Variants in BANK1 observed in about 807,000 individuals in gnomAD.
BANK1 encodes the protein B-cell scaffold protein with ankyrin repeats.
Under a neutral mutation model 94.5 loss-of-function variants are expected in BANK1, and 95 were observed. The observed-to-expected ratio is 1.00, with a 90% confidence interval of 0.85 to 1.19. The LOEUF (loss-of-function observed/expected upper bound fraction) is 1.19, where lower values mean the gene tolerates loss of function less well. Among genes scored for constraint, BANK1 ranks in the 50% most tolerant of loss-of-function variants. BANK1 has a pLI of 0.00. For missense variants in BANK1, 987 were observed against 932.2 expected, an observed-to-expected ratio of 1.06 and a Z score of -0.77; for synonymous variants, 334 against 308.4, an observed-to-expected ratio of 1.08 and a Z score of -0.87.
chr4:101,851,109 G>T (rs1477817518), intron 2 of BANK1, among the ~76,000 whole-genome samples: 3 of 152,164 alleles, frequency 2.0e-5, no homozygotes, highest in Non-Finnish European at 2.9e-5. Flanking sequence ...AGAAAGCTAG[G>T]ATTCTTTCTT....
At chr4:102,012,540 T>C (rs922490476) in intron 7 of BANK1, among the ~76,000 whole-genome samples, 4 of 152,174 alleles carry the variant, frequency 2.6e-5, no homozygotes, top group African/African-American at 9.6e-5. Context: ...ATAGTAATAA[T>C]AGAAACTTAA....
chr4:101,870,724 T>G, intron 5 of BANK1, 80 bp downstream of exon 5: 1 of 1,462,740 alleles, frequency 6.8e-7, no homozygotes, highest in Non-Finnish European at 9.2e-7. Context: ...TGCTTTGGTA[T>G]AAGTTTGAAT....
chr4:101,947,680 G>T lies in BANK1; in HGVS notation c.1206+29491G>T, dbSNP rs376448719. 1.5e-4 allele frequency among the ~76,000 whole-genome samples: 23 copies of T among 151,840 alleles called. No individual in the cohort carries two copies. The East Asian group carries it at 4.1e-3, about 27-fold the overall frequency. On this transcript the variant is annotated intron_variant, in intron 7 of 16. Coordinates refer to ENST00000322953, the MANE Select transcript of BANK1 (RefSeq NM_017935.5). ...TAAGATTAAATTATGAATATCCAAA[G>T]AAATATATATAATTATGTTAATATC...
intron 7 of BANK1, among the ~76,000 whole-genome samples, chr4:101,925,940 C>G (rs568671665): frequency 1.9e-4 from 29 of 151,788 alleles, no homozygotes; most frequent in African/African-American, 5.8e-4. Context: ...CCATATCTGT[C>G]GAGCGTGGCC....
At chr4:101,997,401 T>C (rs1725914956) in intron 7 of BANK1, among the ~76,000 whole-genome samples, 1 of 152,176 alleles carries the variant, frequency 6.6e-6, no homozygotes, top group Admixed American at 6.5e-5. Flanking sequence ...CTTTTTTTGT[T>C]GTGTCTCTGC....
intron 5 of BANK1, among the ~76,000 whole-genome samples, chr4:101,885,079 G>T (rs1323195347): frequency 6.6e-6 from 1 of 152,076 alleles, no homozygotes; most frequent in African/African-American, 2.4e-5. Flanking sequence ...CTCCACGCCC[G>T]ACTAATTTTT....
intron 7 of BANK1, among the ~76,000 whole-genome samples, chr4:101,946,380 A>G (rs1432194219): frequency 6.6e-6 from 1 of 151,942 alleles, no homozygotes; most frequent in Non-Finnish European, 1.5e-5. Context: ...CTGTTGTTAT[A>G]TTACTTAATC....
At chr4:102,042,539 G>T (rs543772103) in intron 10 of BANK1, among the ~76,000 whole-genome samples, 1 of 152,064 alleles carries the variant, frequency 6.6e-6, no homozygotes, top group East Asian at 1.9e-4. Flanking sequence ...ACTAATTTTT[G>T]ATCAGATGGG....
At chr4:101,933,178 G>A (rs1273683907) in intron 7 of BANK1, among the ~76,000 whole-genome samples, 1 of 151,452 alleles carries the variant, frequency 6.6e-6, no homozygotes, top group East Asian at 2.0e-4. Flanking sequence ...AAAAACAATG[G>A]CCCATGGTAG....
At chr4:102,012,968 C>G (rs758205593) in intron 7 of BANK1, among the ~76,000 whole-genome samples, 3 of 151,976 alleles carry the variant, frequency 2.0e-5, no homozygotes, top group Non-Finnish European at 4.4e-5. Flanking sequence ...ATTAAAGCAA[C>G]TTTTTGAACA....
At chr4:102,056,462 GA>G (rs76765815) in intron 11 of BANK1, among the ~76,000 whole-genome samples, 5,592 of 151,968 alleles carry the variant, frequency 0.037, 163 homozygotes, top group East Asian at 0.077. Context: ...ATTTTTCAAA[GA>G]ATATTTAATG....
chr4:102,035,334 C>T (rs1200133394), intron 10 of BANK1, among the ~76,000 whole-genome samples: 1 of 152,166 alleles, frequency 6.6e-6, no homozygotes, highest in African/African-American at 2.4e-5. Context: ...ACCCCAGAGA[C>T]ATAACTTATT....
intron 7 of BANK1, among the ~76,000 whole-genome samples, chr4:102,004,845 TA>T (rs1726195178): frequency 6.6e-6 from 1 of 152,132 alleles, no homozygotes; most frequent in African/African-American, 2.4e-5. Flanking sequence ...TTTTGTCAGG[TA>T]TGAGATACAT....
chr4:102,052,219 C>T (rs186597500), intron 11 of BANK1, among the ~76,000 whole-genome samples: 12 of 150,180 alleles, frequency 8.0e-5, no homozygotes, highest in Admixed American at 6.0e-4. Flanking sequence ...CCGTGTTCAT[C>T]CGATTCTCCT....
At chr4:101,892,164 T>A (rs1721900464) in intron 5 of BANK1, among the ~76,000 whole-genome samples, 1 of 151,052 alleles carries the variant, frequency 6.6e-6, no homozygotes, top group South Asian at 2.1e-4. Context: ...ATTCCATAAT[T>A]CTGAATATTA....
At chr4:102,028,158 A>G (rs1727166117) in intron 9 of BANK1, among the ~76,000 whole-genome samples, 1 of 152,188 alleles carries the variant, frequency 6.6e-6, no homozygotes, top group Non-Finnish European at 1.5e-5. Flanking sequence ...TGGGGAAACA[A>G]AGAGAGTTAA....
intron 1 of BANK1, among the ~76,000 whole-genome samples, chr4:101,799,033 G>A (rs1042883057): frequency 7.2e-5 from 11 of 152,110 alleles, no homozygotes; most frequent in Non-Finnish European, 1.5e-4. Flanking sequence ...TGAAGTCCTT[G>A]CCCATGCCTA....
At chr4:101,851,673 T>C (rs1292013908) in intron 2 of BANK1, among the ~76,000 whole-genome samples, 1 of 152,194 alleles carries the variant, frequency 6.6e-6, no homozygotes, top group African/African-American at 2.4e-5. Context: ...AGCCTACACA[T>C]TTAACCCTTG....
chr4:101,868,979 C>T (rs963966676), intron 4 of BANK1, among the ~76,000 whole-genome samples: 6 of 151,720 alleles, frequency 4.0e-5, no homozygotes, highest in African/African-American at 1.5e-4. Flanking sequence ...TCGGTAGATC[C>T]ACCAGTAAAA....
Sources: gnomAD v4.1 joint callset for allele counts (sites outside exome capture counted in the v4.1 genomes callset) on GRCh38, gnomAD v4.1.1 for gene constraint, MANE v1.5 for transcripts, NCBI Gene and HGNC (gene_info 2026-07-23, HGNC 2026-07-21) for gene names.